CDH4: variants seen among roughly 807,000 people sequenced by gnomAD.
CDH4 encodes cadherin 4.
In CDH4, 33 loss-of-function variants were observed where a neutral mutation model predicts 86.0. That is an observed-to-expected ratio of 0.38 (90% CI 0.29 to 0.51). The LOEUF (loss-of-function observed/expected upper bound fraction) is 0.51, where lower values mean the gene tolerates loss of function less well. CDH4 is among the 20% of genes least tolerant of loss of function. The probability of loss-of-function intolerance (pLI) is 0.86; values close to 1 mark genes in which losing one functional copy is unlikely to be tolerated. For missense variants in CDH4, 1,114 were observed against 1,307.4 expected, an observed-to-expected ratio of 0.85 and a Z score of 2.28; for synonymous variants, 555 against 549.4, an observed-to-expected ratio of 1.01 and a Z score of -0.14.
chr20:61,740,005 CT>C (rs1257590634), intron 2 of CDH4, among the ~76,000 whole-genome samples: 1 of 152,202 alleles, frequency 6.6e-6, no homozygotes, highest in Non-Finnish European at 1.5e-5. Context: ...TACATGGGCA[CT>C]TTTCTGTTGT....
chr20:61,734,100 G>A (rs767403867), intron 2 of CDH4, among the ~76,000 whole-genome samples: 2 of 152,228 alleles, frequency 1.3e-5, no homozygotes, highest in African/African-American at 2.4e-5. Context: ...GAGGGGAGCT[G>A]CCGGCTCCTC....
chr20:61,338,178 A>G (rs1600879647), intron 2 of CDH4, among the ~76,000 whole-genome samples: 1 of 152,198 alleles, frequency 6.6e-6, no homozygotes, highest in South Asian at 2.1e-4. Context: ...ATATTAGACA[A>G]TGCATAGCTT....
intron 7 of CDH4, among the ~76,000 whole-genome samples, chr20:61,889,444 C>CATGGATGG (rs147429200): frequency 2.1e-5 from 3 of 145,266 alleles, no homozygotes; most frequent in African/African-American, 7.8e-5. Flanking sequence ...ATGGATGATG[C>CATGGATGG]ATGGATGGAT....
intron 2 of CDH4, among the ~76,000 whole-genome samples, chr20:61,627,447 G>A (rs962267792): frequency 3.3e-5 from 5 of 152,140 alleles, no homozygotes; most frequent in Admixed American, 3.3e-4. Flanking sequence ...GTGTTCCGCA[G>A]CCTCCCCACC....
At chr20:61,667,956 A>T (rs1160678042) in intron 2 of CDH4, among the ~76,000 whole-genome samples, 1 of 152,208 alleles carries the variant, frequency 6.6e-6, no homozygotes, top group African/African-American at 2.4e-5. Flanking sequence ...GCAGCCAGGG[A>T]GATGATCATT....
chr20:61,680,992 C>T (rs2087506286), intron 2 of CDH4, among the ~76,000 whole-genome samples: 1 of 152,212 alleles, frequency 6.6e-6, no homozygotes, highest in Non-Finnish European at 1.5e-5. Context: ...TATTTGTTCC[C>T]TCCCTTTCCA....
At chr20:61,644,329 G>A (rs559160738) in intron 2 of CDH4, among the ~76,000 whole-genome samples, 2 of 152,316 alleles carry the variant, frequency 1.3e-5, no homozygotes, top group South Asian at 4.1e-4. Context: ...GTGGAACAGG[G>A]TCAGCACCTC....
chr20:61,741,581 T>C (rs1338423014), intron 2 of CDH4, among the ~76,000 whole-genome samples: 1 of 151,866 alleles, frequency 6.6e-6, no homozygotes, highest in Non-Finnish European at 1.5e-5. Flanking sequence ...AAGCTCCTCC[T>C]CCCAGGTTCA....
chr20:61,439,798 C>A (rs964549292), intron 2 of CDH4, among the ~76,000 whole-genome samples: 3 of 152,246 alleles, frequency 2.0e-5, no homozygotes, highest in Admixed American at 2.0e-4. Flanking sequence ...TCTTTGGAGA[C>A]CATCACCCTC....
At chr20:61,429,434 G>T (rs1327652528) in intron 2 of CDH4, among the ~76,000 whole-genome samples, 9 of 152,198 alleles carry the variant, frequency 5.9e-5, no homozygotes, top group Admixed American at 5.9e-4. Context: ...ATACTATAGA[G>T]AGCGCAACAC....
At chr20:61,565,643 G>A (rs2086291767) in intron 2 of CDH4, among the ~76,000 whole-genome samples, 1 of 152,138 alleles carries the variant, frequency 6.6e-6, no homozygotes, top group South Asian at 2.1e-4. Flanking sequence ...ATGTCTGCAT[G>A]CAGTTGCAGC....
chr20:61,580,058 G>A (rs979709036), intron 2 of CDH4, among the ~76,000 whole-genome samples: 2 of 151,812 alleles, frequency 1.3e-5, no homozygotes, highest in African/African-American at 4.8e-5. Flanking sequence ...AGTAGGTAAC[G>A]TGCCCTCATT....
intron 2 of CDH4, among the ~76,000 whole-genome samples, chr20:61,327,901 G>C (rs2123254590): frequency 6.6e-6 from 1 of 152,288 alleles, no homozygotes; most frequent in South Asian, 2.1e-4. Flanking sequence ...AAAGGATCAG[G>C]TGTAGTTTTA....
chr20:61,897,378 C>T (rs1053001378), intron 8 of CDH4, among the ~76,000 whole-genome samples: 1 of 152,098 alleles, frequency 6.6e-6, no homozygotes, highest in Non-Finnish European at 1.5e-5. Context: ...CCTTCTAGAC[C>T]TAGTGGACCA....
intron 2 of CDH4, among the ~76,000 whole-genome samples, chr20:61,361,184 G>A (rs908105951): frequency 3.3e-5 from 5 of 152,278 alleles, no homozygotes; most frequent in African/African-American, 1.2e-4. Context: ...CCTGAGGGTT[G>A]CCCTTTCTGG....
At chr20:61,470,034 G>T (rs535119881) in intron 2 of CDH4, among the ~76,000 whole-genome samples, 1 of 152,214 alleles carries the variant, frequency 6.6e-6, no homozygotes, top group South Asian at 2.1e-4. Flanking sequence ...GAGAGCTTTG[G>T]CTATTCTGGG....
chr20:61,933,197 T>C (rs2055135888), intron 14 of CDH4, 73 bp downstream of exon 14: 3 of 1,552,060 alleles, frequency 1.9e-6, no homozygotes, highest in Non-Finnish European at 2.6e-6. Flanking sequence ...CAGCAGGGAT[T>C]GCCCTGGGGT....
At chr20:61,294,844 T>C in intron 2 of CDH4, among the ~76,000 whole-genome samples, 1 of 152,232 alleles carries the variant, frequency 6.6e-6, no homozygotes, top group Admixed American at 6.5e-5. Context: ...CGGCGCTCGG[T>C]GTGAGTTCAC....
intron 8 of CDH4, among the ~76,000 whole-genome samples, chr20:61,905,482 C>A (rs963922189): frequency 6.6e-6 from 1 of 152,154 alleles, no homozygotes; most frequent in African/African-American, 2.4e-5. Context: ...CAGAGACAGA[C>A]GCTACAGAGG....
Sources: allele counts gnomAD v4.1 joint callset (sites outside exome capture counted in the v4.1 genomes callset), GRCh38; gene constraint gnomAD v4.1.1; transcripts MANE v1.5; gene names NCBI Gene and HGNC (gene_info 2026-07-23, HGNC 2026-07-21).